Variants in GAN observed in about 807,000 individuals in gnomAD.
GAN encodes the protein gigaxonin.
GAN carries 48 observed loss-of-function variants against 71.3 expected under a neutral mutation model. That is an observed-to-expected ratio of 0.67 (90% CI 0.53 to 0.86). GAN has a LOEUF of 0.86. Ranked by LOEUF, GAN falls within the 40% of genes least tolerant of loss-of-function variation. GAN has a pLI of 0.00. For missense variants in GAN, 928 were observed against 770.1 expected, an observed-to-expected ratio of 1.21 and a Z score of -2.43; for synonymous variants, 386 against 276.8, an observed-to-expected ratio of 1.39 and a Z score of -3.92.
In GAN at chr16:81,380,109, C is replaced by A. The variant is rs2150700614; in HGVS notation, c.*2513C>A. ...GGGATGTATTTAATTTTACTATGCT[C>A]CAACATTAATCATGACTCTTTTGTA... is the stretch of plus-strand genomic sequence containing the variant. On this transcript the variant is annotated 3_prime_UTR_variant, in exon 11 of 11. Coordinates refer to ENST00000648994, the MANE Select transcript of GAN (RefSeq NM_022041.4). The A allele has an allele frequency of 6.6e-6, 1 of 152,562 alleles. No homozygotes were observed. The highest frequency in any genetic ancestry group is 2.1e-4 in the South Asian group (1 of 4,820). 9.5% of individuals were successfully genotyped at this position (152,562 alleles called of 1,614,324 possible). A position where few individuals can be genotyped will look rare whatever the true frequency, so the allele number is the denominator to read the frequency against.
intron 1 of GAN, among the ~76,000 whole-genome samples, chr16:81,343,802 G>A (rs559027326): frequency 8.3e-4 from 127 of 152,112 alleles, no homozygotes; most frequent in Non-Finnish European, 1.5e-3. Context: ...AAAGCGTATT[G>A]AAATAGGAAG....
intron 1 of GAN, among the ~76,000 whole-genome samples, chr16:81,320,136 C>G (rs746599438): frequency 5.3e-5 from 8 of 152,138 alleles, no homozygotes; most frequent in Non-Finnish European, 8.8e-5. Flanking sequence ...ATTGATGAGC[C>G]TGTTTTGCCA....
rs981028266 is a variant in GAN, at chr16:81,315,361, C to G, written c.167+81C>G. 8 of 1,045,294 alleles carry G rather than the reference C, an allele frequency of 7.7e-6. No individual in the cohort carries two copies. The African/African-American group carries it at 1.3e-4, about 18-fold the overall frequency. The allele number at this position is 1,045,294 out of a possible 1,614,324, so 64.8% of individuals were successfully genotyped here. A position where few individuals can be genotyped will look rare whatever the true frequency, so the allele number is the denominator to read the frequency against. On this transcript the variant is annotated intron_variant, in intron 1 of 10. Transcript: ENST00000648994. The stretch of plus-strand genomic sequence containing the variant: ...GGGCGGCCGGGCCGGGCGTGGCCCC[C>G]AGACCCTGTCCCCTGTCCCCGGCGC...
intron 5 of GAN, 40 bp from the exon 6 acceptor site, chr16:81,362,459 G>T: frequency 9.8e-7 from 1 of 1,016,350 alleles, no homozygotes; most frequent in Non-Finnish European, 1.6e-6. Flanking sequence ...GGGTGTTGAA[G>T]ACTCACATTT....
rs777757572 is a variant in GAN at position 81,377,515 on chromosome 16, A to G, written c.1713A>G (p.Ala571=). Residue 571 remains alanine, a synonymous_variant, in exon 11 of 11, where the codon GCA becomes GCG. Transcript: ENST00000648994. The part of the protein sequence containing the change: ...LPSDLRRTGC[A]ALRIANCKLF... ...CCGACCTTCGCCGTACAGGATGTGC[A>G]GCCTTACGCATTGCGAATTGCAAGC... The G allele has an allele frequency of 1.9e-6, 3 of 1,614,036 alleles. No homozygotes were observed. The highest frequency in any genetic ancestry group is 1.7e-5 in the Admixed American group (1 of 60,008).
At chr16:81,363,392 G>C (rs1394039020) in intron 6 of GAN, among the ~76,000 whole-genome samples, 1 of 152,202 alleles carries the variant, frequency 6.6e-6, no homozygotes, top group Non-Finnish European at 1.5e-5. Context: ...GGAAGAGTGG[G>C]CTGTTAGGGA....
Position 81,386,180 on chromosome 16 carries a change from C to T in GAN, c.*8584C>T, listed in dbSNP as rs1029478286. On this transcript the variant is annotated 3_prime_UTR_variant, in exon 11 of 11. Coordinates refer to ENST00000648994, the MANE Select transcript of GAN (RefSeq NM_022041.4). ...ATACTTAGAGTTTGTTATAAATAAC[C>T]CTCTGTTTAGAATTTGCCCAGTGAA... 1.3e-5 allele frequency: 2 copies of T among 152,116 alleles called. No homozygotes were observed. The highest frequency in any genetic ancestry group is 2.9e-5 in the Non-Finnish European group (2 of 68,024). 9.4% of individuals were successfully genotyped at this position (152,116 alleles called of 1,614,324 possible).
rs188323556 is a variant in GAN at position 81,338,618 on chromosome 16, A to T, written c.168-12965A>T. Among the ~76,000 whole-genome samples the T allele has an allele frequency of 7.9e-5, 12 of 152,354 alleles. No individual in the cohort carries two copies. The East Asian group carries it at 2.3e-3, about 29-fold the overall frequency. The stretch of plus-strand genomic sequence containing the variant: ...GGAAAGAAATGCAAAACAGAATGGA[A>T]TAAAACTAAAGGTATATAGAGATTT... On this transcript the variant is annotated intron_variant, in intron 1 of 10. Transcript: ENST00000648994.
chr16:81,345,362 C>G (rs747595731), intron 1 of GAN, among the ~76,000 whole-genome samples: 10 of 152,082 alleles, frequency 6.6e-5, no homozygotes, highest in Non-Finnish European at 1.0e-4. Context: ...AAATGTCCAT[C>G]AATGATAGAC....
At chr16:81,358,616 A>C (rs1379254022) in intron 5 of GAN, among the ~76,000 whole-genome samples, 1 of 151,810 alleles carries the variant, frequency 6.6e-6, no homozygotes, top group East Asian at 1.9e-4. Context: ...CTCAAAAAAA[A>C]AAGAAAAAAA....
chr16:81,329,556 T>C (rs1013210526), intron 1 of GAN, among the ~76,000 whole-genome samples: 4 of 152,176 alleles, frequency 2.6e-5, no homozygotes, highest in African/African-American at 9.7e-5. Flanking sequence ...GTCTTACCAC[T>C]CCATCAAAAC....
intron 5 of GAN, among the ~76,000 whole-genome samples, chr16:81,361,878 A>G (rs1037512776): frequency 6.6e-6 from 1 of 152,138 alleles, no homozygotes; most frequent in Non-Finnish European, 1.5e-5. Flanking sequence ...TATTTTTTGT[A>G]GAGATGAAGT....
At chr16:81,376,509 G>GTGTGTATACATA (rs1904280712) in intron 9 of GAN, among the ~76,000 whole-genome samples, 1 of 128,558 alleles carries the variant, frequency 7.8e-6, no homozygotes, top group African/African-American at 3.2e-5. Flanking sequence ...GTGTGTGTGT[G>GTGTGTATACATA]TATGTGTGTG....
chr16:81,360,575 A>AT (rs550952097), intron 5 of GAN, among the ~76,000 whole-genome samples: 142 of 143,284 alleles, frequency 9.9e-4, no homozygotes, highest in Middle Eastern at 3.7e-3. Context: ...TTATCCATTG[A>AT]TTTTTTTTTT....
chr16:81,337,601 G>T (rs1022816340), intron 1 of GAN, among the ~76,000 whole-genome samples: 1 of 152,162 alleles, frequency 6.6e-6, no homozygotes, highest in South Asian at 2.1e-4. Flanking sequence ...GGGACTATAC[G>T]TACCCAGTGG....
At chr16:81,321,599 G>T (rs994726135) in intron 1 of GAN, among the ~76,000 whole-genome samples, 9 of 152,126 alleles carry the variant, frequency 5.9e-5, no homozygotes, top group African/African-American at 1.7e-4. Flanking sequence ...GAGTTCTTAT[G>T]ATATCAAAGT....
intron 1 of GAN, among the ~76,000 whole-genome samples, chr16:81,319,150 G>T (rs984027697): frequency 1.3e-5 from 2 of 150,850 alleles, no homozygotes; most frequent in African/African-American, 4.9e-5. Flanking sequence ...CTGCACTGCA[G>T]CCTGCCTGGG....
Position 81,388,216 on chromosome 16 carries a change from C to T in GAN, c.*10620C>T, listed in dbSNP as rs1904460512. The T allele has an allele frequency of 6.6e-6, 1 of 152,130 alleles. No homozygotes were observed. The highest frequency in any genetic ancestry group is 6.6e-5 in the Admixed American group (1 of 15,258). 9.4% of individuals were successfully genotyped at this position (152,130 alleles called of 1,614,324 possible). On this transcript the variant is annotated 3_prime_UTR_variant, in exon 11 of 11. Transcript: ENST00000648994. Reference sequence around the variant, plus strand: ...CTCCTCTGTCCCAACCCTCTTCCAGCCTGGTTTTTTTACTGCTTGAATTAT... The same window carrying T: ...CTCCTCTGTCCCAACCCTCTTCCAGTCTGGTTTTTTTACTGCTTGAATTAT...
intron 1 of GAN, 140 bp downstream of exon 1, chr16:81,315,420 C>T (rs1474397723): frequency 1.9e-6 from 1 of 526,932 alleles, no homozygotes; most frequent in African/African-American, 2.0e-5. Flanking sequence ...CGCGGCGTCC[C>T]TCCCGGCAAG....
Sources: gnomAD v4.1 joint callset for allele counts (sites outside exome capture counted in the v4.1 genomes callset) on GRCh38, gnomAD v4.1.1 for gene constraint, MANE v1.5 for transcripts, NCBI Gene and HGNC (gene_info 2026-07-23, HGNC 2026-07-21) for gene names.